ATXN1: variants seen among roughly 807,000 people sequenced by gnomAD.
ATXN1 encodes the protein ataxin 1.
Under a neutral mutation model 56.4 loss-of-function variants are expected in ATXN1, and 8 were observed. The ratio of observed to expected loss-of-function variants is 0.14; its 90% CI spans 0.08 to 0.26. The LOEUF (loss-of-function observed/expected upper bound fraction) is 0.26. Among genes scored for constraint, ATXN1 ranks in the 10% least tolerant of loss-of-function variants. The probability of loss-of-function intolerance (pLI) is 1.00; values close to 1 mark genes in which losing one functional copy is unlikely to be tolerated. For synonymous variants in ATXN1, 514 were observed against 494.6 expected (o/e 1.04, Z -0.52); for missense variants, 987 against 1,106.5 (o/e 0.89, Z 1.53).
chr6:16,411,997 C>A (rs1438305935), intron 6 of ATXN1, among the ~76,000 whole-genome samples: 1 of 152,132 alleles, frequency 6.6e-6, no homozygotes, highest in African/African-American at 2.4e-5. Flanking sequence ...GGAAGACACC[C>A]AATAAATATT....
At chr6:16,472,244 C>T (rs1342239344) in intron 6 of ATXN1, among the ~76,000 whole-genome samples, 1 of 152,118 alleles carries the variant, frequency 6.6e-6, no homozygotes, top group East Asian at 1.9e-4. Context: ...GAACAGATTA[C>T]ATACATATTT....
chr6:16,714,181 C>CCACACA lies in ATXN1; in HGVS notation c.-615+39046_-615+39051dup, dbSNP rs70999343. Among the ~76,000 whole-genome samples the CCACACA allele has an allele frequency of 3.1e-3, 432 of 137,640 alleles. 2 individuals are homozygous for CCACACA. Among genetic ancestry groups the CCACACA allele is most frequent in the Admixed American group, 0.013 (173 of 13,606 alleles). 90.3% of individuals were successfully genotyped at this position (137,640 alleles called of 152,430 possible). Reference sequence around the variant, plus strand: ...AAAGAAAGAAAAAAAAAACCACACACCACACACACACACACACACACACAC... The same window carrying CCACACA: ...AAAGAAAGAAAAAAAAAACCACACACCACACACACACACACACACACACACACACAC... On this transcript the variant is annotated intron_variant, in intron 2 of 7. Transcript: ENST00000436367.
intron 2 of ATXN1, among the ~76,000 whole-genome samples, chr6:16,692,166 G>C (rs1037280750): frequency 6.6e-6 from 1 of 152,236 alleles, no homozygotes; most frequent in African/African-American, 2.4e-5. Context: ...TGAGACAGTA[G>C]AATTGCTTGA....
rs142451973 is a variant in ATXN1 at position 16,461,867 on chromosome 6, C to T, written c.-161+24105G>A. 7.7e-3 allele frequency among the ~76,000 whole-genome samples: 1,172 copies of T among 152,218 alleles called. 7 individuals carry two copies. The highest frequency in any genetic ancestry group is 0.026 in the African/African-American group (1,075 of 41,510). On this transcript the variant is annotated intron_variant, in intron 6 of 7. Coordinates refer to ENST00000436367, the MANE Select transcript of ATXN1 (RefSeq NM_001128164.2). Reference sequence around the variant, plus strand: ...CAAGAGGCACTTAAGGAAACGAACACAAGAAACTCATCTCCCATGGCCTAC... The same window carrying T: ...CAAGAGGCACTTAAGGAAACGAACATAAGAAACTCATCTCCCATGGCCTAC...
intron 3 of ATXN1, among the ~76,000 whole-genome samples, chr6:16,607,593 T>C (rs1305584139): frequency 1.3e-5 from 2 of 152,218 alleles, no homozygotes. Context: ...CCTGTTTCCA[T>C]CTGATAGGTC....
chr6:16,651,981 C>T (rs1364651811), intron 3 of ATXN1: 1 of 152,206 alleles, frequency 6.6e-6, no homozygotes, highest in Non-Finnish European at 1.5e-5. Context: ...AAGAAGGGGA[C>T]CTACCATGTA....
chr6:16,563,942 C>T (rs536992815), intron 4 of ATXN1, among the ~76,000 whole-genome samples: 1 of 152,066 alleles, frequency 6.6e-6, no homozygotes, highest in African/African-American at 2.4e-5. Flanking sequence ...GAGAAGCTCA[C>T]GAATAGAAAG....
chr6:16,559,065 A>G (rs886150187), intron 4 of ATXN1, among the ~76,000 whole-genome samples: 1 of 152,208 alleles, frequency 6.6e-6, no homozygotes, highest in Admixed American at 6.5e-5. Flanking sequence ...ACAGAAACCC[A>G]TATTAAAGCT....
intron 6 of ATXN1, among the ~76,000 whole-genome samples, chr6:16,393,660 G>A (rs1758399350): frequency 6.6e-6 from 1 of 152,186 alleles, no homozygotes; most frequent in African/African-American, 2.4e-5. Context: ...TGGCACTGAC[G>A]TTTTAAGTCC....
intron 5 of ATXN1, among the ~76,000 whole-genome samples, chr6:16,490,151 A>G (rs1341334183): frequency 7.2e-6 from 1 of 138,366 alleles, no homozygotes; most frequent in Admixed American, 7.2e-5. Flanking sequence ...AAAAAAAAAA[A>G]CCAAAAACCA....
intron 2 of ATXN1, among the ~76,000 whole-genome samples, chr6:16,706,917 G>C (rs762892835): frequency 6.6e-6 from 1 of 151,824 alleles, no homozygotes; most frequent in African/African-American, 2.4e-5. Context: ...CCCGCTAGAC[G>C]AGCTTCTACA....
chr6:16,562,477 AG>A (rs1371129340), intron 4 of ATXN1, among the ~76,000 whole-genome samples: 122 of 148,758 alleles, frequency 8.2e-4, no homozygotes, highest in South Asian at 8.0e-3. Flanking sequence ...AGAGGAGAGG[AG>A]AGGAGAGGAA....
chr6:16,375,123 T>C (rs1027879945), intron 6 of ATXN1, among the ~76,000 whole-genome samples: 1 of 152,156 alleles, frequency 6.6e-6, no homozygotes, highest in African/African-American at 2.4e-5. Context: ...TTCTGCCCTC[T>C]CCCAGCAAAG....
intron 1 of ATXN1, among the ~76,000 whole-genome samples, chr6:16,759,520 T>C (rs1760992256): frequency 6.9e-6 from 1 of 144,388 alleles, no homozygotes; most frequent in Admixed American, 7.1e-5. Context: ...ATAACCAGCT[T>C]CTTCCGACTG....
At chr6:16,479,179 C>A (rs992627016) in intron 6 of ATXN1, among the ~76,000 whole-genome samples, 1 of 152,084 alleles carries the variant, frequency 6.6e-6, no homozygotes, top group Non-Finnish European at 1.5e-5. Context: ...TCTCCTTAAG[C>A]AAGTTGTTTC....
chr6:16,320,182 A>G (rs1404026336), intron 7 of ATXN1, among the ~76,000 whole-genome samples: 1 of 152,160 alleles, frequency 6.6e-6, no homozygotes, highest in African/African-American at 2.4e-5. Context: ...AATCCATTCA[A>G]TGCATAATGT....
intron 3 of ATXN1, among the ~76,000 whole-genome samples, chr6:16,617,899 A>C (rs1387272335): frequency 6.6e-6 from 1 of 152,138 alleles, no homozygotes; most frequent in Non-Finnish European, 1.5e-5. Flanking sequence ...AACTGATCTA[A>C]TATTTGACAA....
intron 6 of ATXN1, among the ~76,000 whole-genome samples, chr6:16,383,321 T>C (rs1291313729): frequency 3.3e-5 from 5 of 152,336 alleles, no homozygotes; most frequent in Non-Finnish European, 5.9e-5. Flanking sequence ...GAATACTCTG[T>C]CATACCAGCA....
chr6:16,609,775 A>G (rs1298235278), intron 3 of ATXN1, among the ~76,000 whole-genome samples: 1 of 152,244 alleles, frequency 6.6e-6, no homozygotes, highest in African/African-American at 2.4e-5. Context: ...TAAAGGAAGA[A>G]GACGATTTCA....
Sources: gnomAD v4.1 joint callset for allele counts (sites outside exome capture counted in the v4.1 genomes callset) on GRCh38, gnomAD v4.1.1 for gene constraint, MANE v1.5 for transcripts, NCBI Gene and HGNC (gene_info 2026-07-23, HGNC 2026-07-21) for gene names.